Variants in HOATZ observed in about 807,000 individuals in gnomAD.
The protein encoded by HOATZ is HOATZ cilia and flagella associated protein, also known as cilia- and flagella-associated protein HOATZ.
HOATZ carries 26 observed loss-of-function variants against 24.9 expected under a neutral mutation model. The ratio of observed to expected loss-of-function variants is 1.04; its 90% CI spans 0.76 to 1.45. The LOEUF (loss-of-function observed/expected upper bound fraction) is 1.45. HOATZ is among the 40% of genes most tolerant of loss of function. The probability of loss-of-function intolerance (pLI) is 0.00; values close to 1 mark genes in which losing one functional copy is unlikely to be tolerated. For synonymous variants in HOATZ, 83 were observed against 76.6 expected (o/e 1.08, Z -0.43); for missense variants, 226 against 201.5 (o/e 1.12, Z -0.74).
chr11:111,519,376 A>C (rs577071372), intron 3 of HOATZ, among the ~76,000 whole-genome samples: 2 of 152,254 alleles, frequency 1.3e-5, no homozygotes, highest in East Asian at 3.9e-4. Context: ...TTGATATTTC[A>C]ATTTTGTTTA....
intron 5 of HOATZ, chr11:111,534,711 C>G: frequency 2.1e-6 from 1 of 473,616 alleles, no homozygotes; most frequent in Non-Finnish European, 3.8e-6. Flanking sequence ...CCTTGAAGCT[C>G]TGTGCACATT....
chr11:111,523,406 A>C (rs1296032530), intron 3 of HOATZ, among the ~76,000 whole-genome samples: 1 of 152,162 alleles, frequency 6.6e-6, no homozygotes, highest in Non-Finnish European at 1.5e-5. Context: ...AGGTGTCTTT[A>C]AACAGAAACA....
chr11:111,535,240 A>G (rs981066064), intron 5 of HOATZ: 7 of 151,534 alleles, frequency 4.6e-5, no homozygotes, highest in African/African-American at 1.7e-4. Context: ...AAACTTCTGG[A>G]AAAAAAAATA....
At chr11:111,521,159 G>C (rs2135775325) in intron 3 of HOATZ, among the ~76,000 whole-genome samples, 1 of 152,050 alleles carries the variant, frequency 6.6e-6, no homozygotes, top group African/African-American at 2.4e-5. Context: ...AGTTTCTTCT[G>C]CCTGGAAATG....
At chr11:111,533,869 A>G (rs1254362309) in intron 4 of HOATZ, 64 bp downstream of exon 4, 2 of 1,259,774 alleles carry the variant, frequency 1.6e-6, no homozygotes, top group Admixed American at 2.6e-5. Flanking sequence ...CAAATTTTGC[A>G]GAGGTTTTAT....
chr11:111,520,761 C>T (rs1429711528), intron 3 of HOATZ, among the ~76,000 whole-genome samples: 2 of 152,200 alleles, frequency 1.3e-5, no homozygotes, highest in Non-Finnish European at 2.9e-5. Context: ...TGCCATCCCA[C>T]TTGGGATATG....
intron 3 of HOATZ, chr11:111,518,916 C>T (rs1033005527): frequency 2.4e-6 from 1 of 417,618 alleles, no homozygotes; most frequent in Non-Finnish European, 4.9e-6. Context: ...TCTCTGTGCT[C>T]CCACGGCAAG....
chr11:111,516,094 T>C lies in HOATZ; in HGVS notation c.323T>C (p.Val108Ala), dbSNP rs1867194880. Residue 108 changes from valine to alanine, a missense_variant, in exon 3 of 6, where the codon GTA becomes GCA. Physicochemically the swap from Val to Ala is moderately conservative, Grantham distance 64. Coordinates refer to ENST00000375618, the MANE Select transcript of HOATZ (RefSeq NM_001100388.2). ...AAGATACAGGAATCTGAGGAGAAAG[T>C]AAAGTATCTCCAAAAGGTAGGCCAA... ...ALKIQESEEKVKYLQKAKTRE... is the reference protein window; with the variant it reads ...ALKIQESEEKAKYLQKAKTRE... 1.3e-6 allele frequency: 2 copies of C among 1,594,012 alleles called. No individual in the cohort carries two copies. The highest frequency in any genetic ancestry group is 2.3e-5 in the South Asian group (2 of 87,222).
Position 111,534,465 on chromosome 11 carries a change from G to GT in HOATZ, c.452+2dup. ...CAAAAGCCAAAGAACACAAAGCAAA[G>GT]TAAGTTTACCTATGTCAAAAATATT... On this transcript the variant is annotated splice_donor_variant, in intron 5 of 5. Transcript: ENST00000375618. LOFTEE classifies it high-confidence loss of function. 1 of 1,606,458 alleles carries GT rather than the reference G, an allele frequency of 6.2e-7. No individual in the cohort carries two copies. The highest frequency in any genetic ancestry group is 8.5e-7 in the Non-Finnish European group (1 of 1,173,086).
chr11:111,518,906 T>C (rs192314193), intron 3 of HOATZ: 5 of 402,604 alleles, frequency 1.2e-5, no homozygotes, highest in East Asian at 7.4e-5. Flanking sequence ...ATAGATCTCT[T>C]CTCTGTGCTC....
In HOATZ at chr11:111,518,075, A is replaced by G. The variant is rs144349491; in HGVS notation, c.339+1965A>G. 2.2e-3 allele frequency among the ~76,000 whole-genome samples: 341 copies of G among 152,308 alleles called. 1 individual carries two copies. The highest frequency in any genetic ancestry group is 7.4e-3 in the African/African-American group (307 of 41,564). ...CAAGGAACACTATTTACACCTTCAC[A>G]TATATGCTTGCAAAGTGATGAACAG... On this transcript the variant is annotated intron_variant, in intron 3 of 5. Transcript: ENST00000375618.
At chr11:111,528,625 T>G (rs1730493761) in intron 3 of HOATZ, among the ~76,000 whole-genome samples, 1 of 152,210 alleles carries the variant, frequency 6.6e-6, no homozygotes, top group Non-Finnish European at 1.5e-5. Context: ...ATAAGTAAAT[T>G]AACTATGATC....
intron 3 of HOATZ, among the ~76,000 whole-genome samples, chr11:111,533,485 G>T (rs1867415321): frequency 6.6e-6 from 1 of 151,714 alleles, no homozygotes. Context: ...CTGTATTTAG[G>T]ATCAATTATG....
At chr11:111,515,187 TCAGTGGTATATATGTTAC>T in intron 1 of HOATZ, 177 bp downstream of exon 1, 1 of 612,912 alleles carries the variant, frequency 1.6e-6, no homozygotes, top group South Asian at 2.0e-5. Context: ...CCGAAAAGGA[TCAGTGGTATATATGTTAC>T]ATCTAAAAAC....
rs545905322 is a variant in HOATZ at position 111,533,761 on chromosome 11, G to C, written c.355G>C (p.Glu119Gln). Residue 119 changes from glutamate to glutamine, a missense_variant, in exon 4 of 6, where the codon GAG becomes CAG. Glu to Gln is a conservative substitution (Grantham distance 29). Transcript: ENST00000375618. The stretch of plus-strand genomic sequence containing the variant: ...CTTTAAACAGGCTAAAACAAGAGAA[G>C]AGATTCTCCAACTCTTAAGAAAACA... The part of the protein sequence containing the change: ...KYLQKAKTRE[E>Q]ILQLLRKQRE... 35 of 1,581,094 alleles carry C rather than the reference G, an allele frequency of 2.2e-5. No individual in the cohort carries two copies. In the African/African-American group the frequency reaches 3.0e-4, roughly 14 times the overall value.
chr11:111,526,261 G>C (rs1867338085), intron 3 of HOATZ, among the ~76,000 whole-genome samples: 1 of 152,138 alleles, frequency 6.6e-6, no homozygotes, highest in African/African-American at 2.4e-5. Context: ...TTTAAATTGG[G>C]GAATGAGAAT....
chr11:111,534,243 C>T (rs12283641), intron 4 of HOATZ, among the ~76,000 whole-genome samples, 169 bp from the exon 5 acceptor site: 1 of 152,162 alleles, frequency 6.6e-6, no homozygotes, highest in Non-Finnish European at 1.5e-5. Flanking sequence ...AAACCCCAAA[C>T]TCTCTAATGT....
chr11:111,520,841 G>T (rs1288732580), intron 3 of HOATZ, among the ~76,000 whole-genome samples: 1 of 152,154 alleles, frequency 6.6e-6, no homozygotes, highest in Non-Finnish European at 1.5e-5. Flanking sequence ...GTAGCCGAGA[G>T]AGAGATCGCA....
chr11:111,515,606 A>T (rs969537059), intron 2 of HOATZ, 54 bp downstream of exon 2: 2 of 1,398,390 alleles, frequency 1.4e-6, no homozygotes, highest in African/African-American at 2.8e-5. Flanking sequence ...TTCATCAGAA[A>T]ATAGACAATA....
Sources: allele counts gnomAD v4.1 joint callset (sites outside exome capture counted in the v4.1 genomes callset), GRCh38; gene constraint gnomAD v4.1.1; transcripts MANE v1.5; gene names NCBI Gene and HGNC (gene_info 2026-07-23, HGNC 2026-07-21).